ZNF519: variants seen among roughly 807,000 people sequenced by gnomAD.
ZNF519 encodes similar to Zinc finger protein 85 (Zinc finger protein HPF4) (HTF1).
A neutral mutation model predicts 7.4 loss-of-function variants in ZNF519; 7 were observed. The ratio of observed to expected loss-of-function variants is 0.94; its 90% CI spans 0.54 to 1.77. The LOEUF is 1.77. ZNF519 is among the 40% of genes most tolerant of loss of function. The probability of loss-of-function intolerance (pLI) is 0.00; values close to 1 mark genes in which losing one functional copy is unlikely to be tolerated. For synonymous variants in ZNF519, 179 were observed against 203.3 expected (o/e 0.88, Z 1.02); for missense variants, 586 against 623.1 (o/e 0.94, Z 0.63).
chr18:14,123,024 G>C (rs1222185292), intron 2 of ZNF519: 1 of 148,466 alleles, frequency 6.7e-6, no homozygotes, highest in East Asian at 2.0e-4. Flanking sequence ...GTGAGAACAT[G>C]TGGTGCCTAA....
intron 2 of ZNF519, among the ~76,000 whole-genome samples, chr18:14,117,269 G>A (rs1226467442): frequency 1.3e-5 from 2 of 152,090 alleles, no homozygotes; most frequent in Non-Finnish European, 2.9e-5. Flanking sequence ...ATTAACAAAT[G>A]GACAAGAGAT....
intron 2 of ZNF519, chr18:14,122,605 T>C (rs1037358830): frequency 2.7e-5 from 4 of 150,106 alleles, no homozygotes; most frequent in African/African-American, 9.8e-5. Context: ...GGGAGATCAC[T>C]AAAGAAAAAA....
chr18:14,131,837 C>A (rs2046331973), intron 1 of ZNF519, among the ~76,000 whole-genome samples: 1 of 152,178 alleles, frequency 6.6e-6, no homozygotes, highest in Non-Finnish European at 1.5e-5. Context: ...TCTAGTAGCC[C>A]CCCAACCACA....
Position 14,101,598 on chromosome 18 carries a change from AAGGTGGAGTCC to A in ZNF519, c.*3308_*3318del. The A allele has an allele frequency of 2.5e-6, 1 of 398,394 alleles. No individual in the cohort carries two copies. Among genetic ancestry groups the A allele is most frequent in the Non-Finnish European group, 4.4e-6 (1 of 225,978 alleles). 24.7% of individuals were successfully genotyped at this position (398,394 alleles called of 1,614,324 possible). A position where few individuals can be genotyped will look rare whatever the true frequency, so the allele number is the denominator to read the frequency against. ...AAGGCACAAAGTCCTGTGAGTCATC[AAGGTGGAGTCC>A]TGGCAGAAGGCCTTCTCAGCCATGT... On this transcript the variant is annotated 3_prime_UTR_variant, in exon 3 of 3. Transcript: ENST00000590202.
intron 3 of ZNF519, among the ~76,000 whole-genome samples, chr18:14,083,163 A>G (rs2046076655): frequency 6.6e-6 from 1 of 152,076 alleles, no homozygotes. Flanking sequence ...CAGCCTGGCC[A>G]ACAAGGCAAA....
At chr18:14,126,476 C>G in intron 1 of ZNF519, among the ~76,000 whole-genome samples, 1 of 152,162 alleles carries the variant, frequency 6.6e-6, no homozygotes, top group Non-Finnish European at 1.5e-5. Flanking sequence ...CATCAAAACT[C>G]AAAACAAGGG....
chr18:14,105,585 G>A lies in ZNF519; in HGVS notation c.955C>T (p.Pro319Ser), dbSNP rs188498928. The stretch of plus-strand genomic sequence containing the variant: ...TTGCCACATTCCTTACACTTGAAAG[G>A]CTTCTCTCCAGTATGGATTCTCTGA... Reference protein sequence around the residue: ...QHQRIHTGEKPFKCKECGKAF... With the variant: ...QHQRIHTGEKSFKCKECGKAF... Residue 319 changes from proline (P) to serine (S), a missense_variant, in exon 3 of 3, where the codon CCT becomes TCT. Physicochemically the swap from Pro to Ser is moderately conservative, Grantham distance 74 (BLOSUM62 -1). Transcript: ENST00000590202. The A allele has an allele frequency of 1.2e-6, 2 of 1,613,808 alleles. No homozygotes were observed. The highest frequency in any genetic ancestry group is 1.7e-6 in the Non-Finnish European group (2 of 1,179,980).
At chr18:14,116,244 C>T (rs1327516023) in intron 2 of ZNF519, among the ~76,000 whole-genome samples, 1 of 151,880 alleles carries the variant, frequency 6.6e-6, no homozygotes, top group African/African-American at 2.4e-5. Flanking sequence ...ACAATAGTAT[C>T]CCCAGTGATA....
At chr18:14,117,379 T>C (rs2046251082) in intron 2 of ZNF519, among the ~76,000 whole-genome samples, 1 of 152,196 alleles carries the variant, frequency 6.6e-6, no homozygotes. Context: ...GAGATACTAT[T>C]GTGCATTAAT....
chr18:14,085,422 A>T, intron 2 of ZNF519, among the ~76,000 whole-genome samples: 1 of 152,028 alleles, frequency 6.6e-6, no homozygotes, highest in East Asian at 1.9e-4. Context: ...TGGAAAAAAA[A>T]TTTTTGGAAA....
intron 2 of ZNF519, among the ~76,000 whole-genome samples, chr18:14,119,200 C>T (rs541935903): frequency 2.0e-5 from 3 of 152,304 alleles, no homozygotes; most frequent in South Asian, 2.1e-4. Context: ...AGCTTTACAA[C>T]GCTTCTTCTC....
chr18:14,090,993 A>C (rs1259536924), intron 2 of ZNF519: 3 of 152,196 alleles, frequency 2.0e-5, no homozygotes, highest in African/African-American at 7.2e-5. Flanking sequence ...CAGTTTGTTA[A>C]TAAAGACTTT....
Position 14,102,591 on chromosome 18 carries a change from G to T in ZNF519, c.*2326C>A, listed in dbSNP as rs2046167574. ...TTTATGAATATATCTCTTATTTAGA[G>T]AATTACAATTTTAAACTATCAAAGG... is the stretch of plus-strand genomic sequence containing the variant. On this transcript the variant is annotated 3_prime_UTR_variant, in exon 3 of 3. Coordinates refer to ENST00000590202, the MANE Select transcript of ZNF519 (RefSeq NM_145287.4). 2 of 152,042 alleles carry T rather than the reference G, an allele frequency of 1.3e-5. No individual in the cohort carries two copies. The highest frequency in any genetic ancestry group is 1.9e-4 in the East Asian group (1 of 5,190). 9.4% of individuals were successfully genotyped at this position (152,042 alleles called of 1,614,324 possible).
rs61001653 is a variant in ZNF519 at position 14,087,278 on chromosome 18, A to G, written c.131-2202T>C. ...ATGTTTTCTCTCTAAGATCTGACAC[A>G]AGATAAGGATGCTTATGTTTACCAT... is the stretch of plus-strand genomic sequence containing the variant. On this transcript the variant is annotated intron_variant and NMD_transcript_variant, in intron 2 of 4. Transcript: ENST00000587419. 3.3e-3 allele frequency among the ~76,000 whole-genome samples: 503 copies of G among 152,334 alleles called. 3 individuals carry two copies. The highest frequency in any genetic ancestry group is 0.011 in the African/African-American group (476 of 41,570).
chr18:14,097,081 A>G (rs150829299), downstream of ZNF519, among the ~76,000 whole-genome samples: 49 of 152,320 alleles, frequency 3.2e-4, no homozygotes, highest in East Asian at 7.7e-3. Context: ...TATGCACTCA[A>G]GTTTATACAT....
chr18:14,079,043 T>C (rs2046059918), intron 3 of ZNF519, among the ~76,000 whole-genome samples: 2 of 152,250 alleles, frequency 1.3e-5, no homozygotes, highest in South Asian at 4.1e-4. Flanking sequence ...ACAGGCACCC[T>C]GGAATAAAAA....
At position 14,105,870 on chromosome 18, in the gene ZNF519, G is replaced by C. The variant is rs2046187793; in HGVS notation, c.670C>G (p.Leu224Val). The part of the protein sequence containing the change: ...CGETSDPFSK[L>V]TQHQRIYIGE... Reference sequence around the variant, plus strand: ...ATATAAATTCTTTGATGTTGAGTAAGCTTTGAGAATGGGTCAGAAGTTTCA... The same window carrying C: ...ATATAAATTCTTTGATGTTGAGTAACCTTTGAGAATGGGTCAGAAGTTTCA... The change falls in exon 3 of 3, where the codon CTT becomes GTT. Residue 224 changes from leucine (L) to valine (V), a missense_variant. Coordinates refer to ENST00000590202, the MANE Select transcript of ZNF519 (RefSeq NM_145287.4). 6.2e-7 allele frequency: 1 copy of C among 1,603,510 alleles called. No individual in the cohort carries two copies. Among genetic ancestry groups the C allele is most frequent in the Non-Finnish European group, 8.5e-7 (1 of 1,177,360 alleles).
At chr18:14,072,231 C>T (rs1567934239), downstream of ZNF519, 1 of 152,150 alleles carries the variant, frequency 6.6e-6, no homozygotes, top group African/African-American at 2.4e-5. Context: ...ATTTTATGCA[C>T]AATCACTACT....
downstream of ZNF519, among the ~76,000 whole-genome samples, chr18:14,097,555 G>A (rs961514136): frequency 2.0e-5 from 3 of 152,180 alleles, no homozygotes; most frequent in Non-Finnish European, 4.4e-5. Flanking sequence ...GATGTGCTGA[G>A]ATATCCTCTA....
Sources: gnomAD v4.1 joint callset for allele counts (sites outside exome capture counted in the v4.1 genomes callset) on GRCh38, gnomAD v4.1.1 for gene constraint, MANE v1.5 for transcripts, NCBI Gene and HGNC (gene_info 2026-07-23, HGNC 2026-07-21) for gene names.